PGM2L1: variants seen among roughly 807,000 people sequenced by gnomAD.
PGM2L1 encodes phosphoglucomutase 2 like 1.
In PGM2L1, 35 loss-of-function variants were observed where a neutral mutation model predicts 73.4. The ratio of observed to expected loss-of-function variants is 0.48; its 90% confidence interval spans 0.36 to 0.63. The LOEUF is 0.63. PGM2L1 is among the 30% of genes least tolerant of loss of function. PGM2L1 has a pLI of 0.00. For synonymous variants in PGM2L1, 225 were observed against 253.8 expected (o/e 0.89, Z 1.08); for missense variants, 570 against 742.0 (o/e 0.77, Z 2.69).
At chr11:74,368,828 C>G (rs1176866576) in intron 4 of PGM2L1, among the ~76,000 whole-genome samples, 3 of 151,902 alleles carry the variant, frequency 2.0e-5, no homozygotes, top group Non-Finnish European at 1.5e-5. Context: ...ATTTTAAAAT[C>G]TTTTTTTTCC....
intron 5 of PGM2L1, among the ~76,000 whole-genome samples, chr11:74,363,985 A>G (rs1862611170): frequency 6.6e-6 from 1 of 152,194 alleles, no homozygotes; most frequent in South Asian, 2.1e-4. Flanking sequence ...GGCAAACCGA[A>G]TCCAGCAGCA....
chr11:74,388,299 C>T (rs1186233832), intron 1 of PGM2L1, among the ~76,000 whole-genome samples: 1 of 149,170 alleles, frequency 6.7e-6, no homozygotes, highest in Non-Finnish European at 1.5e-5. Flanking sequence ...GAGGGTAAAT[C>T]TCATGCTAAG....
intron 8 of PGM2L1, 69 bp downstream of exon 8, chr11:74,346,663 G>A (rs1862271186): frequency 8.4e-7 from 1 of 1,186,680 alleles, no homozygotes; most frequent in Non-Finnish European, 1.2e-6. Context: ...TTTTCAATGA[G>A]CCTGTAAGAC....
chr11:74,389,730 G>A (rs1460850385), intron 1 of PGM2L1, among the ~76,000 whole-genome samples: 1 of 151,078 alleles, frequency 6.6e-6, no homozygotes, highest in Non-Finnish European at 1.5e-5. Flanking sequence ...GATTACAGAC[G>A]TGAGCCACTG....
chr11:74,365,433 A>T (rs922672662), intron 5 of PGM2L1, among the ~76,000 whole-genome samples: 1 of 152,154 alleles, frequency 6.6e-6, no homozygotes, highest in Non-Finnish European at 1.5e-5. Flanking sequence ...CAGGCAACCT[A>T]CAGAATGGGA....
Position 74,342,949 on chromosome 11 carries a change from T to C in PGM2L1, c.1378A>G (p.Met460Val), listed in dbSNP as rs1438657737. The change falls in exon 11 of 14, where the codon ATG becomes GTG. Residue 460 changes from methionine (M) to valine (V), a missense_variant. Transcript: ENST00000298198. ...TTCATGGTTTCCAGGTAAGATGCCATCTCAGCAACCACAACAGCTGCACTC... is the reference window on the plus strand; with the variant it reads ...TTCATGGTTTCCAGGTAAGATGCCACCTCAGCAACCACAACAGCTGCACTC... The part of the protein sequence containing the change: ...GVSAAVVVAE[M>V]ASYLETMNIT... 1.9e-6 allele frequency: 3 copies of C among 1,611,342 alleles called. No individual in the cohort carries two copies. Among genetic ancestry groups the C allele is most frequent in the Non-Finnish European group, 2.5e-6 (3 of 1,178,588 alleles).
chr11:74,339,689 C>G (rs1457820258), intron 12 of PGM2L1, among the ~76,000 whole-genome samples: 1 of 152,172 alleles, frequency 6.6e-6, no homozygotes, highest in South Asian at 2.1e-4. Flanking sequence ...AACTGATCTT[C>G]CTGCCTGGAA....
At chr11:74,378,467 C>A (rs1862890265) in intron 1 of PGM2L1, among the ~76,000 whole-genome samples, 1 of 152,128 alleles carries the variant, frequency 6.6e-6, no homozygotes, top group Non-Finnish European at 1.5e-5. Context: ...AGTAATCCTG[C>A]AGAAAATCCA....
At chr11:74,359,556 C>T (rs560864844) in intron 5 of PGM2L1, among the ~76,000 whole-genome samples, 121 of 123,396 alleles carry the variant, frequency 9.8e-4, no homozygotes, top group Non-Finnish European at 1.6e-3. Context: ...TATATATACA[C>T]GTACATACAT....
At chr11:74,378,376 A>G (rs1312457394) in intron 1 of PGM2L1, among the ~76,000 whole-genome samples, 1 of 152,214 alleles carries the variant, frequency 6.6e-6, no homozygotes, top group Admixed American at 6.5e-5. Flanking sequence ...AATTATTTAG[A>G]AAGTAAATGC....
chr11:74,336,486 T>G lies in PGM2L1; in HGVS notation c.*166A>C. On this transcript the variant is annotated 3_prime_UTR_variant, in exon 14 of 14. Coordinates refer to ENST00000298198, the MANE Select transcript of PGM2L1 (RefSeq NM_173582.6). ...TCTAGACCATTTCATTTCAAACTTATACTTTGTTTAGTCTAGCCAGTTGAC... is the reference window on the plus strand; with the variant it reads ...TCTAGACCATTTCATTTCAAACTTAGACTTTGTTTAGTCTAGCCAGTTGAC... 1 of 412,798 alleles carries G rather than the reference T, an allele frequency of 2.4e-6. No individual in the cohort carries two copies. Among genetic ancestry groups the G allele is most frequent in the Non-Finnish European group, 4.3e-6 (1 of 233,260 alleles). 25.6% of individuals were successfully genotyped at this position (412,798 alleles called of 1,614,324 possible). A position where few individuals can be genotyped will look rare whatever the true frequency, so the allele number is the denominator to read the frequency against.
intron 9 of PGM2L1, among the ~76,000 whole-genome samples, chr11:74,343,768 T>C (rs1374951202): frequency 4.5e-5 from 6 of 132,974 alleles, no homozygotes; most frequent in Admixed American, 1.6e-4. Context: ...CTTTACATTA[T>C]CTTTTTTTTT....
chr11:74,351,527 A>G lies in PGM2L1; in HGVS notation c.605T>C (p.Ile202Thr). The change falls in exon 6 of 14, where the codon ATT (isoleucine) becomes ACT (threonine). Residue 202 changes from isoleucine (I) to threonine (T), a missense_variant. Ile to Thr is a moderately conservative substitution (Grantham distance 89). Coordinates refer to ENST00000298198, the MANE Select transcript of PGM2L1 (RefSeq NM_173582.6). ...AQITSPHDKE[I>T]LKCIEECVEP... ...CACACATTCTTCTATACATTTTAGA[A>G]TTTCTTTATCATGAGGAGATGTGAT... The G allele has an allele frequency of 6.2e-7, 1 of 1,613,180 alleles. No individual in the cohort carries two copies. The highest frequency in any genetic ancestry group is 8.5e-7 in the Non-Finnish European group (1 of 1,179,748).
Position 74,345,626 on chromosome 11 carries a change from C to G in PGM2L1, c.1061G>C (p.Gly354Ala). ...TCCAAACAAAGCTGCCAACTCATTC[C>G]CTGTGAAAACTTTCCAACAACCACT... is the stretch of plus-strand genomic sequence containing the variant. ...QENGCWKVFT[G>A]NELAALFGWW... is the part of the protein sequence containing the mutation. The change falls in exon 9 of 14, where the codon GGG becomes GCG. Residue 354 changes from glycine to alanine, a missense_variant. Coordinates refer to ENST00000298198, the MANE Select transcript of PGM2L1 (RefSeq NM_173582.6). 6.2e-7 allele frequency: 1 copy of G among 1,613,728 alleles called. No homozygotes were observed. The highest frequency in any genetic ancestry group is 8.5e-7 in the Non-Finnish European group (1 of 1,179,878).
intron 5 of PGM2L1, among the ~76,000 whole-genome samples, chr11:74,363,292 G>A (rs545083166): frequency 6.1e-4 from 93 of 152,228 alleles, no homozygotes; most frequent in African/African-American, 2.2e-3. Context: ...AAGCAGGAAA[G>A]ATCTAAAATT....
intron 4 of PGM2L1, among the ~76,000 whole-genome samples, chr11:74,368,936 A>T (rs1862705498): frequency 6.6e-6 from 1 of 150,928 alleles, no homozygotes; most frequent in Middle Eastern, 3.2e-3. Flanking sequence ...GCTCACTTTT[A>T]AATACCTACA....
intron 5 of PGM2L1, among the ~76,000 whole-genome samples, chr11:74,358,262 G>C (rs1322285025): frequency 3.3e-5 from 5 of 152,194 alleles, no homozygotes; most frequent in Non-Finnish European, 5.9e-5. Flanking sequence ...TGGGTATATG[G>C]GAAATCTCTG....
At chr11:74,397,955 A>G in intron 1 of PGM2L1, 96 bp downstream of exon 1, 3 of 1,402,024 alleles carry the variant, frequency 2.1e-6, no homozygotes, top group Non-Finnish European at 2.8e-6. Flanking sequence ...GTCCCGAGCC[A>G]TCTCCTCTGC....
At chr11:74,364,950 C>T (rs1367624456) in intron 5 of PGM2L1, among the ~76,000 whole-genome samples, 14 of 152,116 alleles carry the variant, frequency 9.2e-5, no homozygotes, top group African/African-American at 3.1e-4. Flanking sequence ...CATCACACTA[C>T]CTGACTTCAA....
Sources: allele counts gnomAD v4.1 joint callset (sites outside exome capture counted in the v4.1 genomes callset), GRCh38; gene constraint gnomAD v4.1.1; transcripts MANE v1.5; gene names NCBI Gene and HGNC (gene_info 2026-07-23, HGNC 2026-07-21).